Variants in EPHA7 observed in about 807,000 individuals in gnomAD.
EPHA7 encodes EPH receptor A7, also known as ephrin type-A receptor 7.
Under a neutral mutation model 112.6 loss-of-function variants are expected in EPHA7, and 25 were observed. The observed-to-expected ratio is 0.22, with a 90% CI of 0.16 to 0.31. The LOEUF (loss-of-function observed/expected upper bound fraction) is 0.31, where lower values mean the gene tolerates loss of function less well. Ranked by LOEUF, EPHA7 falls within the 10% of genes least tolerant of loss-of-function variation. The pLI is 1.00. For synonymous variants in EPHA7, 437 were observed against 406.5 expected (o/e 1.07, Z -0.90); for missense variants, 962 against 1,212.6 (o/e 0.79, Z 3.07).
chr6:93,304,912 C>T (rs1773174620), intron 5 of EPHA7, among the ~76,000 whole-genome samples: 1 of 152,008 alleles, frequency 6.6e-6, no homozygotes, highest in African/African-American at 2.4e-5. Flanking sequence ...TCCTCTTCTA[C>T]ATTATGAAAT....
At chr6:93,255,217 G>A (rs892460407) in intron 13 of EPHA7, among the ~76,000 whole-genome samples, 1 of 151,938 alleles carries the variant, frequency 6.6e-6, no homozygotes, top group African/African-American at 2.4e-5. Flanking sequence ...GCGTGGTGGT[G>A]GGCGCCTGTT....
chr6:93,287,238 G>C (rs539566574), intron 5 of EPHA7, among the ~76,000 whole-genome samples: 25 of 152,212 alleles, frequency 1.6e-4, no homozygotes, highest in African/African-American at 5.8e-4. Flanking sequence ...CTTTCCACCT[G>C]CTGGGGAATC....
chr6:93,291,373 C>T (rs976038958), intron 5 of EPHA7, among the ~76,000 whole-genome samples: 10 of 151,688 alleles, frequency 6.6e-5, no homozygotes, highest in African/African-American at 7.3e-5. Context: ...TAGTCAAAGA[C>T]CAAAGAGAAT....
At chr6:93,307,071 T>A (rs1773297536) in intron 5 of EPHA7, among the ~76,000 whole-genome samples, 1 of 151,958 alleles carries the variant, frequency 6.6e-6, no homozygotes, top group Non-Finnish European at 1.5e-5. Flanking sequence ...GACTTAAACA[T>A]AACTGCTAAT....
intron 5 of EPHA7, among the ~76,000 whole-genome samples, chr6:93,322,762 T>A (rs1774137452): frequency 6.6e-6 from 1 of 151,618 alleles, no homozygotes; most frequent in Non-Finnish European, 1.5e-5. Flanking sequence ...ATTTAGTGAT[T>A]CAAATAAATC....
intron 15 of EPHA7, 31 bp downstream of exon 15, chr6:93,246,761 C>T (rs2127846724): frequency 6.4e-7 from 1 of 1,552,532 alleles, no homozygotes; most frequent in East Asian, 2.3e-5. Context: ...TGTAATTTCT[C>T]CCAGATTCCA....
chr6:93,404,347 A>G (rs967354650), intron 3 of EPHA7, among the ~76,000 whole-genome samples: 1 of 151,982 alleles, frequency 6.6e-6, no homozygotes, highest in African/African-American at 2.4e-5. Flanking sequence ...TCACCTTTCA[A>G]GATGTTCTGA....
At chr6:93,366,891 C>A (rs563174770) in intron 3 of EPHA7, among the ~76,000 whole-genome samples, 163 of 150,714 alleles carry the variant, frequency 1.1e-3, no homozygotes, top group African/African-American at 3.8e-3. Flanking sequence ...GGATGTCACT[C>A]AATAATGTCC....
rs561922201 is a variant in EPHA7, at chr6:93,396,358, T to C, written c.832+14143A>G. Among the ~76,000 whole-genome samples, 6 of 151,946 alleles carry C rather than the reference T, an allele frequency of 3.9e-5. No homozygotes were observed. In the East Asian group the frequency reaches 1.2e-3, roughly 30 times the overall value. On this transcript the variant is annotated intron_variant, in intron 3 of 16. Transcript: ENST00000369303. Reference sequence around the variant, plus strand: ...TAAAATGTACATACCTGAAAAAAATTCTACATAATTTTCAGAAATATATTT... The same window carrying C: ...TAAAATGTACATACCTGAAAAAAATCCTACATAATTTTCAGAAATATATTT...
At chr6:93,385,295 AAT>A (rs1217426450) in intron 3 of EPHA7, among the ~76,000 whole-genome samples, 1 of 152,124 alleles carries the variant, frequency 6.6e-6, no homozygotes, top group Non-Finnish European at 1.5e-5. Context: ...TACGCATATG[AAT>A]ATATAATAGA....
At chr6:93,388,299 A>T (rs1777730328) in intron 3 of EPHA7, among the ~76,000 whole-genome samples, 1 of 152,140 alleles carries the variant, frequency 6.6e-6, no homozygotes, top group Non-Finnish European at 1.5e-5. Context: ...TGGACATTTA[A>T]GTTGACATCT....
chr6:93,325,369 A>G (rs747012825), intron 5 of EPHA7, among the ~76,000 whole-genome samples: 12 of 151,344 alleles, frequency 7.9e-5, no homozygotes, highest in South Asian at 4.1e-4. Context: ...CTCTTTATCA[A>G]AACAAAAGCC....
intron 11 of EPHA7, 77 bp downstream of exon 11, chr6:93,258,020 TTG>T: frequency 3.9e-6 from 5 of 1,292,536 alleles, no homozygotes; most frequent in Non-Finnish European, 5.4e-6. Flanking sequence ...ATTTCATAAT[TTG>T]TTTTATTGTG....
chr6:93,375,919 T>C (rs1459006245), intron 3 of EPHA7, among the ~76,000 whole-genome samples: 10 of 152,128 alleles, frequency 6.6e-5, no homozygotes, highest in Non-Finnish European at 8.8e-5. Context: ...GAAAATATTT[T>C]AGAATTTCTT....
intron 9 of EPHA7, 37 bp from the exon 10 acceptor site, chr6:93,259,516 A>C: frequency 6.2e-7 from 1 of 1,607,472 alleles, no homozygotes; most frequent in Non-Finnish European, 8.5e-7. Flanking sequence ...GTGATGAAGC[A>C]AAGCACTTAT....
chr6:93,349,015 T>G (rs1032016510), intron 5 of EPHA7, among the ~76,000 whole-genome samples: 13 of 151,766 alleles, frequency 8.6e-5, no homozygotes, highest in Admixed American at 4.0e-4. Context: ...TAAACTTACA[T>G]GATAAATTCG....
intron 3 of EPHA7, among the ~76,000 whole-genome samples, chr6:93,391,164 G>A (rs1468272720): frequency 1.3e-5 from 2 of 151,886 alleles, no homozygotes; most frequent in African/African-American, 4.8e-5. Context: ...ACTCTGAAAA[G>A]TACAATCCCT....
chr6:93,386,567 T>C (rs2127976572), intron 3 of EPHA7, among the ~76,000 whole-genome samples: 1 of 152,248 alleles, frequency 6.6e-6, no homozygotes, highest in East Asian at 1.9e-4. Flanking sequence ...TTCTGGGGTA[T>C]GAATAATGGT....
rs71558463 is a variant in EPHA7, at chr6:93,400,467, T to A, written c.832+10034A>T. Among the ~76,000 whole-genome samples the A allele has an allele frequency of 3.1e-3, 478 of 152,198 alleles. 1 individual carries two copies. The highest frequency in any genetic ancestry group is 5.2e-3 in the Non-Finnish European group (352 of 67,980). ...GATGTGTTCTATCCCTCCACACCTA[T>A]CCATTCACCCCTAATCCCTCTCCTG... is the stretch of plus-strand genomic sequence containing the variant. On this transcript the variant is annotated intron_variant, in intron 3 of 16. Coordinates refer to ENST00000369303, the MANE Select transcript of EPHA7 (RefSeq NM_004440.4).
Sources: gnomAD v4.1 joint callset for allele counts (sites outside exome capture counted in the v4.1 genomes callset) on GRCh38, gnomAD v4.1.1 for gene constraint, MANE v1.5 for transcripts, NCBI Gene and HGNC (gene_info 2026-07-23, HGNC 2026-07-21) for gene names.